The following GRM8 variants were observed in gnomAD, a reference collection of about 807,000 sequenced individuals.
The protein encoded by GRM8 is metabotropic glutamate receptor 8.
In GRM8, 47 loss-of-function variants were observed where a neutral mutation model predicts 87.2. The ratio of observed to expected loss-of-function variants is 0.54; its 90% CI spans 0.43 to 0.69. The LOEUF is 0.69. Ranked by LOEUF, GRM8 falls within the 30% of genes least tolerant of loss-of-function variation. The pLI is 0.00. For synonymous variants in GRM8, 396 were observed against 404.5 expected, an observed-to-expected ratio of 0.98 and a Z score of 0.25; for missense variants, 1,019 against 1,139.2, an observed-to-expected ratio of 0.89 and a Z score of 1.52.
At chr7:127,096,942 C>G (rs1824715600) in intron 3 of GRM8, among the ~76,000 whole-genome samples, 1 of 152,228 alleles carries the variant, frequency 6.6e-6, no homozygotes, top group South Asian at 2.1e-4. Context: ...GGAAGCAGCT[C>G]TGCCCTTTGG....
intron 2 of GRM8, among the ~76,000 whole-genome samples, chr7:127,126,187 A>G (rs1827362085): frequency 6.6e-6 from 1 of 152,076 alleles, no homozygotes; most frequent in Non-Finnish European, 1.5e-5. Flanking sequence ...TATGTTTATC[A>G]TAGCACTATT....
At chr7:127,125,949 C>A (rs1827345475) in intron 2 of GRM8, among the ~76,000 whole-genome samples, 1 of 151,750 alleles carries the variant, frequency 6.6e-6, no homozygotes, top group Admixed American at 6.6e-5. Context: ...CTAGTCAGAA[C>A]CATTACTATT....
At chr7:127,172,237 A>T (rs1793844828) in intron 2 of GRM8, among the ~76,000 whole-genome samples, 1 of 152,108 alleles carries the variant, frequency 6.6e-6, no homozygotes, top group Non-Finnish European at 1.5e-5. Context: ...ATAAACTTTA[A>T]TATTATTTAT....
At chr7:126,584,151 T>C (rs746783619) in intron 8 of GRM8, among the ~76,000 whole-genome samples, 1 of 152,176 alleles carries the variant, frequency 6.6e-6, no homozygotes, top group Admixed American at 6.5e-5. Flanking sequence ...AATTATTATT[T>C]CAAAATTAAG....
At chr7:126,822,167 C>T (rs567249112) in intron 6 of GRM8, among the ~76,000 whole-genome samples, 2 of 152,298 alleles carry the variant, frequency 1.3e-5, no homozygotes, top group Admixed American at 1.3e-4. Context: ...CTCTCACTGA[C>T]TCCATTTCAT....
chr7:126,686,942 T>A (rs932339818), intron 7 of GRM8, among the ~76,000 whole-genome samples: 7 of 152,264 alleles, frequency 4.6e-5, no homozygotes, highest in South Asian at 2.1e-4. Context: ...CTTGTCCCTC[T>A]CAAGGTGCCT....
At chr7:127,176,188 G>C (rs1162461787) in intron 2 of GRM8, among the ~76,000 whole-genome samples, 5 of 152,218 alleles carry the variant, frequency 3.3e-5, no homozygotes, top group African/African-American at 1.2e-4. Context: ...TTTAAGAAAT[G>C]TAATTGCTAG....
rs386411232 is a variant in GRM8 at position 126,987,450 on chromosome 7, T to TG, written c.728-82768_728-82767insC. Among the ~76,000 whole-genome samples the TG allele has an allele frequency of 1.1e-4, 16 of 151,968 alleles. No individual in the cohort carries two copies. In the East Asian group the frequency reaches 2.7e-3, roughly 26 times the overall value. ...AGAAGCATATCTTGTTCACAGTTTT[T>TG]TTTTTTGTTTTTTGTTTGTTTGTTT... On this transcript the variant is annotated intron_variant, in intron 3 of 10. Transcript: ENST00000339582.
intron 7 of GRM8, among the ~76,000 whole-genome samples, chr7:126,754,358 T>A (rs1154570): frequency 0.97 from 146,648 of 151,928 alleles, 70,826 homozygotes; most frequent in East Asian, 1. Context: ...TGTAGTAAAG[T>A]AGATAGATGT....
At chr7:127,141,203 T>A (rs1828239166) in intron 2 of GRM8, among the ~76,000 whole-genome samples, 1 of 152,032 alleles carries the variant, frequency 6.6e-6, no homozygotes, top group Non-Finnish European at 1.5e-5. Context: ...ATCCTTAGCC[T>A]GCTGGTCTCT....
At chr7:127,164,274 T>C (rs892581621) in intron 2 of GRM8, among the ~76,000 whole-genome samples, 11 of 152,180 alleles carry the variant, frequency 7.2e-5, no homozygotes, top group African/African-American at 2.2e-4. Context: ...TTGTACAGCC[T>C]GCAGAACCAT....
chr7:126,781,686 T>C (rs941691448), intron 6 of GRM8, among the ~76,000 whole-genome samples: 7 of 152,296 alleles, frequency 4.6e-5, no homozygotes, highest in African/African-American at 1.7e-4. Flanking sequence ...AATAATCTCA[T>C]CCTATCTGCT....
At chr7:127,069,245 C>G (rs1821439753) in intron 3 of GRM8, among the ~76,000 whole-genome samples, 1 of 152,228 alleles carries the variant, frequency 6.6e-6, no homozygotes. Context: ...TCACTACAAC[C>G]TCCACCCTGT....
intron 8 of GRM8, among the ~76,000 whole-genome samples, chr7:126,555,792 T>C (rs1255770957): frequency 2.0e-5 from 3 of 152,218 alleles, no homozygotes; most frequent in African/African-American, 7.2e-5. Flanking sequence ...TCCTAAAATA[T>C]GTGTGGAATA....
intron 6 of GRM8, among the ~76,000 whole-genome samples, chr7:126,891,931 C>T (rs1801052135): frequency 6.9e-6 from 1 of 144,866 alleles, no homozygotes; most frequent in African/African-American, 2.5e-5. Context: ...TTAAGGAAGC[C>T]TATTTGTGCC....
At chr7:126,922,344 C>T (rs901753705) in intron 3 of GRM8, among the ~76,000 whole-genome samples, 7 of 152,144 alleles carry the variant, frequency 4.6e-5, no homozygotes, top group African/African-American at 1.2e-4. Context: ...TGTGTTCATA[C>T]GCACATCCAT....
Position 126,878,523 on chromosome 7 carries a change from T to C in GRM8, c.1156+24019A>G, listed in dbSNP as rs941537320. The stretch of plus-strand genomic sequence containing the variant: ...TTAATATATCGTCGTCTTCTTCTTT[T>C]TTTTTTTTTTTTTTGAGACAGAGTC... On this transcript the variant is annotated intron_variant, in intron 6 of 10. Transcript: ENST00000339582. Among the ~76,000 whole-genome samples, 13 of 149,860 alleles carry C rather than the reference T, an allele frequency of 8.7e-5. No individual in the cohort carries two copies. The East Asian group carries it at 2.4e-3, about 27-fold the overall frequency.
chr7:126,668,455 C>T (rs1208190087), intron 7 of GRM8, among the ~76,000 whole-genome samples: 1 of 152,068 alleles, frequency 6.6e-6, no homozygotes, highest in African/African-American at 2.4e-5. Context: ...CCCCCTGTCT[C>T]CCCCAGGCCT....
At chr7:126,528,644 GTGTT>G (rs1045805151) in intron 9 of GRM8, among the ~76,000 whole-genome samples, 4 of 147,546 alleles carry the variant, frequency 2.7e-5, no homozygotes, top group African/African-American at 1.0e-4. Context: ...GTGTGTGTGT[GTGTT>G]TGTATTTATT....
Sources: gnomAD v4.1 joint callset for allele counts (sites outside exome capture counted in the v4.1 genomes callset) on GRCh38, gnomAD v4.1.1 for gene constraint, MANE v1.5 for transcripts, NCBI Gene and HGNC (gene_info 2026-07-23, HGNC 2026-07-21) for gene names.